Variants in GNPAT observed in about 807,000 individuals in gnomAD.
GNPAT encodes dihydroxyacetone phosphate acyltransferase.
A neutral mutation model predicts 78.4 loss-of-function variants in GNPAT; 30 were observed. That is an observed-to-expected ratio of 0.38 (90% CI 0.29 to 0.52). GNPAT has a LOEUF of 0.52. GNPAT is among the 20% of genes least tolerant of loss of function. GNPAT has a pLI of 0.84. For synonymous variants in GNPAT, 271 were observed against 281.1 expected (o/e 0.96, Z 0.36); for missense variants, 714 against 812.2 (o/e 0.88, Z 1.47).
At chr1:231,266,233 T>C in intron 7 of GNPAT, 44 bp from the exon 8 acceptor site, 2 of 1,613,852 alleles carry the variant, frequency 1.2e-6, no homozygotes, top group South Asian at 1.1e-5. Flanking sequence ...ATTTCTAAAT[T>C]TACTGCTTTT....
intron 4 of GNPAT, among the ~76,000 whole-genome samples, chr1:231,265,010 A>G (rs563075998): frequency 6.6e-6 from 1 of 152,320 alleles, no homozygotes; most frequent in Non-Finnish European, 1.5e-5. Context: ...ATGTCAAAGT[A>G]TAATAATATC....
chr1:231,265,497 C>G (rs1685353818), intron 5 of GNPAT, 77 bp downstream of exon 5: 1 of 1,224,700 alleles, frequency 8.2e-7, no homozygotes, highest in African/African-American at 1.5e-5. Context: ...CTCTTAACTT[C>G]TGAATAGAAC....
chr1:231,241,986 T>C (rs1684625192), intron 1 of GNPAT, among the ~76,000 whole-genome samples: 2 of 152,266 alleles, frequency 1.3e-5, no homozygotes, highest in Admixed American at 1.3e-4. Flanking sequence ...TGCCTGTTCT[T>C]GTCTTCCAGT....
At chr1:231,275,067 G>A (rs1685672069) in intron 12 of GNPAT, 154 bp from the exon 13 acceptor site, 2 of 620,268 alleles carry the variant, frequency 3.2e-6, no homozygotes, top group African/African-American at 1.9e-5. Flanking sequence ...AAATTCTTTG[G>A]TTTTTCTGGG....
intron 4 of GNPAT, among the ~76,000 whole-genome samples, chr1:231,264,118 TTGGTTCCC>T (rs1309190562): frequency 6.6e-6 from 1 of 152,222 alleles, no homozygotes; most frequent in African/African-American, 2.4e-5. Context: ...ATTTGTTTCT[TTGGTTCCC>T]TGGTTCCCTG....
In GNPAT at chr1:231,241,277, A is replaced by T. The variant is rs544678793; in HGVS notation, c.-102A>T. On this transcript the variant is annotated 5_prime_UTR_variant, in exon 1 of 16. Transcript: ENST00000366647. ...CGGCTGCAGAGGGTGCCGCCGCCCT[A>T]GGCGAAGTAGGGCCGTCCTGAGCGA... 6.4e-6 allele frequency: 9 copies of T among 1,407,940 alleles called. No homozygotes were observed. The African/African-American group carries it at 1.1e-4, about 18-fold the overall frequency. 87.2% of individuals were successfully genotyped at this position (1,407,940 alleles called of 1,614,324 possible).
chr1:231,265,881 A>G lies in GNPAT; in HGVS notation c.772+94A>G, dbSNP rs2274066. On this transcript the variant is annotated intron_variant, in intron 6 of 15. Transcript: ENST00000366647. ...CTTTATTTAACAAGATATTCTTTTC[A>G]AGTGTAAATGTATAACTGTTGATAT... is the stretch of plus-strand genomic sequence containing the variant. 344 of 1,057,228 alleles carry G rather than the reference A, an allele frequency of 3.3e-4. 4 individuals are homozygous for G. The East Asian group carries it at 8.1e-3, about 25-fold the overall frequency. 65.5% of individuals were successfully genotyped at this position (1,057,228 alleles called of 1,614,324 possible).
intron 3 of GNPAT, 73 bp from the exon 4 acceptor site, chr1:231,262,650 C>T: frequency 5.0e-6 from 6 of 1,191,918 alleles, no homozygotes; most frequent in Admixed American, 1.7e-5. Context: ...CTTATTCTTC[C>T]GTTTTCTGAT....
rs374487497 is a variant in GNPAT, at chr1:231,270,964, G to A, written c.1486G>A (p.Ala496Thr). 2 of 1,613,968 alleles carry A rather than the reference G, an allele frequency of 1.2e-6. No homozygotes were observed. Among genetic ancestry groups the A allele is most frequent in the African/African-American group, 1.3e-5 (1 of 74,920 alleles). ...CATTTTTGTGCGCCCATCCTTAGTA[G>A]CAGTAGCATTGCAGATGACACCAGG... ...LNIFVRPSLV[A>T]VALQMTPGFR... The change falls in exon 10 of 16, where the codon GCA (alanine) becomes ACA (threonine). Residue 496 changes from alanine (A) to threonine (T), a missense_variant. Ala to Thr is a moderately conservative substitution (Grantham distance 58). Coordinates refer to ENST00000366647, the MANE Select transcript of GNPAT (RefSeq NM_014236.4).
rs573670301 is a variant in GNPAT at position 231,266,419 on chromosome 1, G to A, written c.1055+12G>A. ...AACTTGGTTCCAAGGTGTGACCTGT[G>A]TTTTAATAACTGTCTTAGAAATGAG... is the stretch of plus-strand genomic sequence containing the variant. On this transcript the variant is annotated intron_variant, in intron 8 of 15. Transcript: ENST00000366647. 6.2e-6 allele frequency: 10 copies of A among 1,611,152 alleles called. No individual in the cohort carries two copies. The highest frequency in any genetic ancestry group is 8.5e-6 in the Non-Finnish European group (10 of 1,177,332).
At chr1:231,241,713 C>T (rs967679148) in intron 1 of GNPAT, among the ~76,000 whole-genome samples, 2 of 152,308 alleles carry the variant, frequency 1.3e-5, no homozygotes, top group East Asian at 3.9e-4. Flanking sequence ...TTCTTTCTAT[C>T]AGGCCCTGGG....
At chr1:231,257,814 C>T (rs1204703246) in intron 2 of GNPAT, among the ~76,000 whole-genome samples, 1 of 152,194 alleles carries the variant, frequency 6.6e-6, no homozygotes, top group African/African-American at 2.4e-5. Flanking sequence ...GTATGTCCCA[C>T]ATACACCTCA....
intron 1 of GNPAT, 146 bp from the exon 2 acceptor site, chr1:231,250,815 T>C (rs1684874664): frequency 1.7e-6 from 1 of 604,194 alleles, no homozygotes; most frequent in African/African-American, 1.8e-5. Context: ...TTTTTTACTA[T>C]ATGAAAATCT....
In GNPAT at chr1:231,277,708, T is replaced by C; in HGVS notation, c.*166T>C. 1.6e-6 allele frequency: 1 copy of C among 631,966 alleles called. No individual in the cohort carries two copies. Among genetic ancestry groups the C allele is most frequent in the Non-Finnish European group, 2.9e-6 (1 of 347,378 alleles). 39.1% of individuals were successfully genotyped at this position (631,966 alleles called of 1,614,324 possible). A position where few individuals can be genotyped will look rare whatever the true frequency, so the allele number is the denominator to read the frequency against. On this transcript the variant is annotated 3_prime_UTR_variant, in exon 16 of 16. Transcript: ENST00000366647. Reference sequence around the variant, plus strand: ...AGATGATCATTGGAAGCAATCAGTTTACTCTTCCCCACCACAGTGGTTAAA... The same window carrying C: ...AGATGATCATTGGAAGCAATCAGTTCACTCTTCCCCACCACAGTGGTTAAA...
intron 1 of GNPAT, among the ~76,000 whole-genome samples, chr1:231,247,856 G>A (rs1684790709): frequency 6.6e-6 from 1 of 152,224 alleles, no homozygotes. Context: ...CATGAGGCAG[G>A]AGGTGGGGGG....
intron 9 of GNPAT, among the ~76,000 whole-genome samples, chr1:231,268,934 A>G (rs1436228637): frequency 6.6e-6 from 1 of 151,836 alleles, no homozygotes; most frequent in African/African-American, 2.4e-5. Flanking sequence ...TACAGGCTAC[A>G]GTTGGAAATG....
At position 231,241,375 on chromosome 1, in the gene GNPAT, C is replaced by T. The variant is rs755429017; in HGVS notation, c.-4C>T. 3.2e-5 allele frequency: 51 copies of T among 1,611,958 alleles called. No individual in the cohort carries two copies. Among genetic ancestry groups the T allele is most frequent in the Non-Finnish European group, 4.1e-5 (48 of 1,178,130 alleles). On this transcript the variant is annotated 5_prime_UTR_variant, in exon 1 of 16. Coordinates refer to ENST00000366647, the MANE Select transcript of GNPAT (RefSeq NM_014236.4). Reference sequence around the variant, plus strand: ...CAGACCCCGCCCGGGAAGGCAGCCGCACCATGGAGTCTTCCAGTTCATCTA... The same window carrying T: ...CAGACCCCGCCCGGGAAGGCAGCCGTACCATGGAGTCTTCCAGTTCATCTA...
At chr1:231,261,552 G>A (rs779817825) in intron 3 of GNPAT, among the ~76,000 whole-genome samples, 30 of 152,080 alleles carry the variant, frequency 2.0e-4, no homozygotes, top group Non-Finnish European at 3.4e-4. Flanking sequence ...CGTTATGACT[G>A]CCAGGTTTCT....
In GNPAT at chr1:231,260,705, A is replaced by G. The variant is rs749613952; in HGVS notation, c.438+22A>G. On this transcript the variant is annotated intron_variant, in intron 3 of 15. Transcript: ENST00000366647. The stretch of plus-strand genomic sequence containing the variant: ...GAAAGTGAGTATTGATTATTAAAAA[A>G]ATAAAGAAATAAAAGTCTCATCTTA... 5 of 1,431,508 alleles carry G rather than the reference A, an allele frequency of 3.5e-6. No individual in the cohort carries two copies. In the East Asian group the frequency reaches 1.1e-4, roughly 32 times the overall value. The allele number at this position is 1,431,508 out of a possible 1,614,324, so 88.7% of individuals were successfully genotyped here.
Sources: gnomAD v4.1 joint callset for allele counts (sites outside exome capture counted in the v4.1 genomes callset) on GRCh38, gnomAD v4.1.1 for gene constraint, MANE v1.5 for transcripts, NCBI Gene and HGNC (gene_info 2026-07-23, HGNC 2026-07-21) for gene names.